The following C1orf105 variants were observed in gnomAD, a reference collection of about 807,000 sequenced individuals.
C1orf105 encodes chromosome 1 open reading frame 105.
Under a neutral mutation model 20.8 loss-of-function variants are expected in C1orf105, and 17 were observed. The ratio of observed to expected loss-of-function variants is 0.82; its 90% CI spans 0.56 to 1.23. The LOEUF (loss-of-function observed/expected upper bound fraction) is 1.23, where lower values mean the gene tolerates loss of function less well. C1orf105 is among the 50% of genes most tolerant of loss of function. C1orf105 has a pLI of 0.00. For missense variants in C1orf105, 219 were observed against 213.5 expected, an observed-to-expected ratio of 1.03 and a Z score of -0.16; for synonymous variants, 72 against 72.1, an observed-to-expected ratio of 1.00 and a Z score of 0.01.
At chr1:172,464,516 T>TC (rs1649905108) in intron 5 of C1orf105, among the ~76,000 whole-genome samples, 2 of 152,206 alleles carry the variant, frequency 1.3e-5, no homozygotes, top group Non-Finnish European at 2.9e-5. Context: ...AAGGGTCACC[T>TC]CCACAGCCTT....
chr1:172,438,459 T>C (rs903739841), intron 1 of C1orf105, among the ~76,000 whole-genome samples: 4 of 152,156 alleles, frequency 2.6e-5, no homozygotes, highest in Non-Finnish European at 4.4e-5. Context: ...GTGGTGGAAA[T>C]AGCAAGAGAA....
chr1:172,466,737 A>G (rs1462638506), intron 6 of C1orf105, among the ~76,000 whole-genome samples: 1 of 152,188 alleles, frequency 6.6e-6, no homozygotes, highest in Admixed American at 6.5e-5. Context: ...TCAATTAGCA[A>G]TTTAAGAGCT....
Position 172,453,826 on chromosome 1 carries a change from G to C in C1orf105, c.199-2589G>C, listed in dbSNP as rs74126224. Reference sequence around the variant, plus strand: ...GTTAGGAGGGTGAGAAATGGTAGCAGCCCAGGAGAAAGGTTTTCTGAGGAT... The same window carrying C: ...GTTAGGAGGGTGAGAAATGGTAGCACCCCAGGAGAAAGGTTTTCTGAGGAT... On this transcript the variant is annotated intron_variant, in intron 3 of 6. Transcript: ENST00000367727. Among the ~76,000 whole-genome samples, 414 of 152,330 alleles carry C rather than the reference G, an allele frequency of 2.7e-3. 1 individual carries two copies. The highest frequency in any genetic ancestry group is 9.2e-3 in the African/African-American group (383 of 41,566).
intron 1 of C1orf105, among the ~76,000 whole-genome samples, chr1:172,422,832 T>C (rs1344471319): frequency 6.6e-6 from 1 of 152,044 alleles, no homozygotes; most frequent in East Asian, 1.9e-4. Context: ...TAAGTGAACA[T>C]TGGCAGTATC....
chr1:172,425,769 C>T lies in C1orf105; in HGVS notation c.21+4863C>T, dbSNP rs1279039715. Among the ~76,000 whole-genome samples, 5 of 152,166 alleles carry T rather than the reference C, an allele frequency of 3.3e-5. No individual in the cohort carries two copies. In the East Asian group the frequency reaches 7.7e-4, roughly 23 times the overall value. ...ATGCACATAACCCAGAGAACTAGCA[C>T]ATTAATCCCATTAGTGAGCAATAAT... On this transcript the variant is annotated intron_variant, in intron 1 of 6. Transcript: ENST00000367727.
chr1:172,445,702 C>T (rs1030648087), intron 2 of C1orf105, among the ~76,000 whole-genome samples: 2 of 152,130 alleles, frequency 1.3e-5, no homozygotes, highest in African/African-American at 2.4e-5. Flanking sequence ...ATTGGGTTAC[C>T]GTGTCCCTTC....
intron 6 of C1orf105, among the ~76,000 whole-genome samples, chr1:172,467,148 C>T (rs545511474): frequency 6.6e-6 from 1 of 152,308 alleles, no homozygotes; most frequent in East Asian, 1.9e-4. Flanking sequence ...GCCCCATCCC[C>T]ACTGGATTAT....
At chr1:172,436,819 A>G (rs2149164948) in intron 1 of C1orf105, among the ~76,000 whole-genome samples, 1 of 152,362 alleles carries the variant, frequency 6.6e-6, no homozygotes, top group Non-Finnish European at 1.5e-5. Flanking sequence ...ACAGAATGGG[A>G]GAAAATTTTT....
intron 1 of C1orf105, among the ~76,000 whole-genome samples, chr1:172,428,265 C>A (rs1180723903): frequency 6.6e-6 from 1 of 152,170 alleles, no homozygotes; most frequent in Non-Finnish European, 1.5e-5. Context: ...TGTATTACTG[C>A]AAAAGCCTCC....
intron 1 of C1orf105, among the ~76,000 whole-genome samples, chr1:172,429,496 G>A (rs371130956): frequency 5.3e-5 from 8 of 152,158 alleles, no homozygotes; most frequent in Non-Finnish European, 8.8e-5. Context: ...CCACAAGATG[G>A]CACTGTGTCC....
chr1:172,431,206 C>T (rs962419287), intron 1 of C1orf105: 10 of 426,144 alleles, frequency 2.3e-5, no homozygotes, highest in African/African-American at 8.1e-5. Context: ...TATCAAAAGC[C>T]GAGACAGGCT....
At chr1:172,420,983 C>G in intron 1 of C1orf105, 77 bp downstream of exon 1, 1 of 1,347,798 alleles carries the variant, frequency 7.4e-7, no homozygotes. Context: ...GCCTTGGAGG[C>G]CACATAAACA....
chr1:172,451,903 A>G (rs1251821292), intron 3 of C1orf105, among the ~76,000 whole-genome samples: 8 of 111,948 alleles, frequency 7.1e-5, no homozygotes, highest in Non-Finnish European at 1.2e-4. Context: ...ACGGAATCTC[A>G]CTCTGTTGCC....
intron 1 of C1orf105, 100 bp from the exon 2 acceptor site, chr1:172,444,973 G>T: frequency 1.2e-6 from 1 of 840,090 alleles, no homozygotes; most frequent in Non-Finnish European, 1.9e-6. Flanking sequence ...GGTTTGTAAA[G>T]TGTTCACTAT....
At chr1:172,436,544 GA>G (rs1354225347) in intron 1 of C1orf105, among the ~76,000 whole-genome samples, 1 of 152,200 alleles carries the variant, frequency 6.6e-6, no homozygotes, top group Non-Finnish European at 1.5e-5. Flanking sequence ...GCCATAGGTA[GA>G]AAGCTGAAAC....
intron 1 of C1orf105, chr1:172,431,300 T>G (rs2071867005): frequency 7.1e-6 from 3 of 424,878 alleles, no homozygotes; most frequent in Non-Finnish European, 8.3e-6. Flanking sequence ...GGTACTCCCA[T>G]GATAAGAAAC....
intron 3 of C1orf105, among the ~76,000 whole-genome samples, chr1:172,452,084 G>A (rs1354318572): frequency 6.6e-6 from 1 of 151,926 alleles, no homozygotes; most frequent in Admixed American, 6.6e-5. Context: ...TGTTGGTCAG[G>A]CTGGTCTCGA....
At chr1:172,456,300 G>C (rs1649235874) in intron 3 of C1orf105, 115 bp from the exon 4 acceptor site, 1 of 883,092 alleles carries the variant, frequency 1.1e-6, no homozygotes, top group African/African-American at 1.6e-5. Context: ...GCCCATCTCT[G>C]TTTTACGGAA....
intron 5 of C1orf105, among the ~76,000 whole-genome samples, chr1:172,463,309 C>G (rs998926532): frequency 2.0e-5 from 3 of 152,188 alleles, no homozygotes; most frequent in African/African-American, 7.2e-5. Flanking sequence ...TTTCCTCATA[C>G]AGTCAGCAAT....
Sources: gnomAD v4.1 joint callset for allele counts (sites outside exome capture counted in the v4.1 genomes callset) on GRCh38, gnomAD v4.1.1 for gene constraint, MANE v1.5 for transcripts, NCBI Gene and HGNC (gene_info 2026-07-23, HGNC 2026-07-21) for gene names.